PLXDC2: variants seen among roughly 807,000 people sequenced by gnomAD.
PLXDC2 encodes plexin domain-containing protein 2.
Under a neutral mutation model 68.9 loss-of-function variants are expected in PLXDC2, and 40 were observed. The ratio of observed to expected loss-of-function variants is 0.58; its 90% CI spans 0.45 to 0.76. The LOEUF (loss-of-function observed/expected upper bound fraction) is 0.76. PLXDC2 is among the 30% of genes least tolerant of loss of function. The probability of loss-of-function intolerance (pLI) is 0.00; values close to 1 mark genes in which losing one functional copy is unlikely to be tolerated. For missense variants in PLXDC2, 644 were observed against 661.9 expected (o/e 0.97, Z 0.30); for synonymous variants, 243 against 234.2 (o/e 1.04, Z -0.34).
At chr10:19,930,964 AAAG>A (rs1833620794) in intron 1 of PLXDC2, among the ~76,000 whole-genome samples, 1 of 152,162 alleles carries the variant, frequency 6.6e-6, no homozygotes, top group Non-Finnish European at 1.5e-5. Context: ...ACTCCGCTGA[AAAG>A]AAAGAAAGAG....
At chr10:19,926,927 A>G (rs1233408319) in intron 1 of PLXDC2, among the ~76,000 whole-genome samples, 3 of 152,254 alleles carry the variant, frequency 2.0e-5, no homozygotes, top group African/African-American at 7.2e-5. Flanking sequence ...AGTTTTCCTC[A>G]ATGTGAATCA....
chr10:20,031,453 A>T (rs1297342273), intron 2 of PLXDC2, among the ~76,000 whole-genome samples: 1 of 152,146 alleles, frequency 6.6e-6, no homozygotes, highest in Non-Finnish European at 1.5e-5. Flanking sequence ...TTTACTTATA[A>T]ATTTGATTCA....
In PLXDC2 at chr10:19,844,181, C is replaced by T. The variant is rs76126600; in HGVS notation, c.112+26990C>T. The stretch of plus-strand genomic sequence containing the variant: ...TTACCTCAATTTCTCTCTTGCAGAA[C>T]GTTTTTTGACGTGACTGTGAAGAGC... On this transcript the variant is annotated intron_variant, in intron 1 of 13. Transcript: ENST00000377252. Among the ~76,000 whole-genome samples the T allele has an allele frequency of 6.5e-3, 989 of 152,220 alleles. 8 individuals are homozygous for T. The highest frequency in any genetic ancestry group is 0.021 in the African/African-American group (892 of 41,544).
intron 3 of PLXDC2, among the ~76,000 whole-genome samples, chr10:20,052,741 A>G (rs1490061768): frequency 6.7e-6 from 1 of 148,976 alleles, no homozygotes; most frequent in African/African-American, 2.5e-5. Context: ...AAAAAAAAAA[A>G]GAAAGAAAGA....
At chr10:20,129,482 T>A (rs1833835592) in intron 4 of PLXDC2, among the ~76,000 whole-genome samples, 1 of 151,348 alleles carries the variant, frequency 6.6e-6, no homozygotes, top group Non-Finnish European at 1.5e-5. Flanking sequence ...ATCTCATTTG[T>A]CCATTTGTGT....
intron 13 of PLXDC2, among the ~76,000 whole-genome samples, chr10:20,278,867 T>C (rs574005217): frequency 1.3e-5 from 2 of 152,352 alleles, no homozygotes; most frequent in South Asian, 4.1e-4. Context: ...TAATAGTTTC[T>C]AGTGTCACTA....
At chr10:20,111,136 G>A (rs2460592) in intron 4 of PLXDC2, among the ~76,000 whole-genome samples, 55,485 of 152,118 alleles carry the variant, frequency 0.36, 11,530 homozygotes, top group Non-Finnish European at 0.48. Context: ...TATGATGACA[G>A]ATACGTCCCC....
Position 20,282,043 on chromosome 10 carries a change from A to G in PLXDC2, c.*2224A>G, listed in dbSNP as rs752790027. The G allele has an allele frequency of 5.9e-5, 9 of 152,138 alleles. No individual in the cohort carries two copies. Among genetic ancestry groups the G allele is most frequent in the East Asian group, 3.8e-4 (2 of 5,196 alleles). The allele number at this position is 152,138 out of a possible 1,614,324, so 9.4% of individuals were successfully genotyped here. A position where few individuals can be genotyped will look rare whatever the true frequency, so the allele number is the denominator to read the frequency against. On this transcript the variant is annotated 3_prime_UTR_variant, in exon 14 of 14. Coordinates refer to ENST00000377252, the MANE Select transcript of PLXDC2 (RefSeq NM_032812.9). ...TATTTTGATTCAAAACAATTGATTC[A>G]AAACAATTTTGAATCAATTTTCTAT...
In PLXDC2 at chr10:20,201,573, T is replaced by A. The variant is rs115609018; in HGVS notation, c.1062-10096T>A. Among the ~76,000 whole-genome samples the A allele has an allele frequency of 9.7e-4, 147 of 152,118 alleles. 1 individual carries two copies. The highest frequency in any genetic ancestry group is 3.5e-3 in the African/African-American group (144 of 41,544). ...TAACTATTTAACAATAACTCTATATTGTAATGTAGTTAACAATACTATATA... is the reference window on the plus strand; with the variant it reads ...TAACTATTTAACAATAACTCTATATAGTAATGTAGTTAACAATACTATATA... On this transcript the variant is annotated intron_variant, in intron 9 of 13. Coordinates refer to ENST00000377252, the MANE Select transcript of PLXDC2 (RefSeq NM_032812.9).
At chr10:20,226,060 A>C (rs1017380837) in intron 12 of PLXDC2, among the ~76,000 whole-genome samples, 3 of 152,200 alleles carry the variant, frequency 2.0e-5, no homozygotes, top group Non-Finnish European at 2.9e-5. Context: ...TGGATATTTG[A>C]CCAAAAGAAG....
chr10:19,985,094 C>G (rs576242110), intron 1 of PLXDC2, among the ~76,000 whole-genome samples: 91 of 152,248 alleles, frequency 6.0e-4, no homozygotes, highest in African/African-American at 2.1e-3. Flanking sequence ...TTTAGGAAAC[C>G]AATTTCATTA....
rs60603741 is a variant in PLXDC2, at chr10:20,027,692, G to GAA, written c.325-19165_325-19164dup. On this transcript the variant is annotated intron_variant, in intron 2 of 13. Transcript: ENST00000377252. ...ACTTGTTTTGAAGCTGGGACAACCTGAAAAAAAAAAAAACCCCATAAAATT... is the reference window on the plus strand; with the variant it reads ...ACTTGTTTTGAAGCTGGGACAACCTGAAAAAAAAAAAAAAACCCCATAAAATT... Among the ~76,000 whole-genome samples, 950 of 142,292 alleles carry GAA rather than the reference G, an allele frequency of 6.7e-3. 6 individuals are homozygous for GAA. The highest frequency in any genetic ancestry group is 9.6e-3 in the Admixed American group (138 of 14,320). The allele number at this position is 142,292 out of a possible 152,430, so 93.3% of individuals were successfully genotyped here.
At chr10:20,170,546 C>T (rs1370032614) in intron 7 of PLXDC2, among the ~76,000 whole-genome samples, 1 of 152,090 alleles carries the variant, frequency 6.6e-6, no homozygotes, top group Admixed American at 6.6e-5. Context: ...CCTTAACAAA[C>T]AAAAACACAG....
chr10:20,257,997 C>CTTTTTTTTTTT (rs550997528), intron 13 of PLXDC2, among the ~76,000 whole-genome samples: 4 of 84,352 alleles, frequency 4.7e-5, no homozygotes, highest in Non-Finnish European at 7.1e-5. Flanking sequence ...TTTTTTCTTT[C>CTTTTTTTTTTT]TTTTTTTTTT....
chr10:19,887,975 G>T (rs1335020178), intron 1 of PLXDC2, among the ~76,000 whole-genome samples: 1 of 152,182 alleles, frequency 6.6e-6, no homozygotes, highest in African/African-American at 2.4e-5. Flanking sequence ...CCTACATTCT[G>T]TCATGTATAA....
intron 2 of PLXDC2, among the ~76,000 whole-genome samples, chr10:20,002,541 G>A (rs530822831): frequency 6.6e-6 from 1 of 152,272 alleles, no homozygotes; most frequent in Admixed American, 6.5e-5. Flanking sequence ...TTACAGGCAT[G>A]AGCCACCTCA....
chr10:20,092,758 A>T (rs866749999), intron 4 of PLXDC2, among the ~76,000 whole-genome samples: 1 of 152,036 alleles, frequency 6.6e-6, no homozygotes, highest in African/African-American at 2.4e-5. Context: ...GGTCAGCCCT[A>T]AATGCAGTCA....
intron 1 of PLXDC2, among the ~76,000 whole-genome samples, chr10:19,979,825 T>C (rs7075311): frequency 0.18 from 27,769 of 152,216 alleles, 2,744 homozygotes; most frequent in South Asian, 0.27. Flanking sequence ...TCTTCCCACT[T>C]CCTAAAATAA....
chr10:19,918,745 C>G (rs1326238), intron 1 of PLXDC2, among the ~76,000 whole-genome samples: 132,398 of 152,206 alleles, frequency 0.87, 57,735 homozygotes, highest in East Asian at 0.94. Context: ...ACATAAGTAG[C>G]TTGATTATGG....
Sources: allele counts gnomAD v4.1 joint callset (sites outside exome capture counted in the v4.1 genomes callset), GRCh38; gene constraint gnomAD v4.1.1; transcripts MANE v1.5; gene names NCBI Gene and HGNC (gene_info 2026-07-23, HGNC 2026-07-21).